The following LONP1 variants were observed in gnomAD, a reference collection of about 807,000 sequenced individuals.
LONP1 encodes the protein lon peptidase 1, mitochondrial.
In LONP1, 31 loss-of-function variants were observed where a neutral mutation model predicts 98.5. The ratio of observed to expected loss-of-function variants is 0.31; its 90% CI spans 0.24 to 0.42. The LOEUF (loss-of-function observed/expected upper bound fraction) is 0.42. LONP1 is among the 20% of genes least tolerant of loss of function. The probability of loss-of-function intolerance (pLI) is 1.00; values close to 1 mark genes in which losing one functional copy is unlikely to be tolerated. For missense variants in LONP1, 1,336 were observed against 1,350.6 expected (o/e 0.99, Z 0.17); for synonymous variants, 781 against 594.7 (o/e 1.31, Z -4.56).
upstream of LONP1, chr19:5,720,151 G>T: frequency 7.2e-7 from 1 of 1,394,374 alleles, no homozygotes; most frequent in Non-Finnish European, 9.2e-7. Context: ...CATACTGGCG[G>T]CTCACACAAC....
At chr19:5,704,661 G>A (rs997967091) in intron 8 of LONP1, among the ~76,000 whole-genome samples, 1 of 152,236 alleles carries the variant, frequency 6.6e-6, no homozygotes, top group Non-Finnish European at 1.5e-5. Context: ...CTGGACATGG[G>A]CATGGCTGAA....
chr19:5,708,736 G>A (rs542537522), intron 4 of LONP1: 7 of 239,440 alleles, frequency 2.9e-5, no homozygotes, highest in African/African-American at 1.3e-4. Context: ...AGTCTTGGCC[G>A]GGCGTGGTGG....
chr19:5,706,465 G>A (rs534192170), intron 7 of LONP1, among the ~76,000 whole-genome samples: 8 of 152,070 alleles, frequency 5.3e-5, no homozygotes, highest in South Asian at 2.1e-4. Context: ...AAAATTAGCC[G>A]GTGTGGTATT....
chr19:5,707,983 CAG>C, intron 5 of LONP1, 157 bp from the exon 6 acceptor site: 1 of 847,300 alleles, frequency 1.2e-6, no homozygotes, highest in South Asian at 1.8e-5. Context: ...GCTTGTTCTC[CAG>C]AGTTCAGGGC....
intron 1 of LONP1, among the ~76,000 whole-genome samples, chr19:5,718,580 G>A (rs1053587156): frequency 2.6e-5 from 4 of 151,900 alleles, no homozygotes; most frequent in African/African-American, 9.7e-5. Flanking sequence ...CTTCCCAACA[G>A]ATCCTTGAGA....
At chr19:5,701,397 T>G (rs1308439940) in intron 8 of LONP1, among the ~76,000 whole-genome samples, 2 of 152,308 alleles carry the variant, frequency 1.3e-5, no homozygotes, top group South Asian at 2.1e-4. Context: ...GGCTGGACTG[T>G]GTGCTGCCAT....
chr19:5,692,348 C>T (rs2054841620), intron 17 of LONP1, 140 bp from the exon 18 acceptor site: 4 of 734,564 alleles, frequency 5.4e-6, no homozygotes, highest in Non-Finnish European at 6.3e-6. Context: ...CCAAAACCCA[C>T]CAGGGTCCCC....
rs150366480 is a variant in LONP1, at chr19:5,694,899, G to A, written c.2016C>T (p.Arg672=). The part of the protein sequence containing the change: ...VAQEKLAIAE[R]YLVPQARALC... ...GGGCGCGAGCCTGGGGCACCAGGTA[G>A]CGCTGCAAGGGCAACCGTCAGGGTT... The change falls in exon 14 of 18, where the codon CGC becomes CGT. Residue 672 remains arginine (R), a splice_region_variant and synonymous_variant. Transcript: ENST00000360614. 14 of 1,593,562 alleles carry A rather than the reference G, an allele frequency of 8.8e-6. No homozygotes were observed. The African/African-American group carries it at 1.1e-4, about 12-fold the overall frequency.
In LONP1 at chr19:5,711,984, C is replaced by T. The variant is rs1199590549; in HGVS notation, c.657G>A (p.Gln219=). ...MGHRRVHISR[Q]LEVEPEEPEA... Reference sequence around the variant, plus strand: ...CCGGCTCCTCGGGCTCCACCTCCAGCTGTCTGCTGATATGGACTCTGACAC... The same window carrying T: ...CCGGCTCCTCGGGCTCCACCTCCAGTTGTCTGCTGATATGGACTCTGACAC... The change falls in exon 4 of 18, where the codon CAG becomes CAA. Residue 219 remains glutamine (Q), a synonymous_variant. Transcript: ENST00000360614. 3 of 1,612,950 alleles carry T rather than the reference C, an allele frequency of 1.9e-6. No individual in the cohort carries two copies. Among genetic ancestry groups the T allele is most frequent in the Non-Finnish European group, 2.5e-6 (3 of 1,179,884 alleles).
At chr19:5,692,472 G>A (rs1331173429) in intron 17 of LONP1, among the ~76,000 whole-genome samples, 1 of 152,154 alleles carries the variant, frequency 6.6e-6, no homozygotes, top group Admixed American at 6.5e-5. Context: ...GCCGTGCGGT[G>A]GGAGCAGTCT....
chr19:5,715,668 A>G (rs1599481562), intron 1 of LONP1, among the ~76,000 whole-genome samples: 1 of 134,606 alleles, frequency 7.4e-6, no homozygotes, highest in Non-Finnish European at 1.6e-5. Flanking sequence ...AAAAAAAAAA[A>G]AAAAAAAAAA....
chr19:5,714,328 A>T (rs1323851481), intron 1 of LONP1, 57 bp from the exon 2 acceptor site: 13 of 1,195,216 alleles, frequency 1.1e-5, no homozygotes, highest in Admixed American at 9.1e-5. Context: ...TTTGAGACAG[A>T]GTCTCATTCT....
At chr19:5,707,957 G>A in intron 5 of LONP1, 131 bp from the exon 6 acceptor site, 1 of 1,039,130 alleles carries the variant, frequency 9.6e-7, no homozygotes, top group Non-Finnish European at 1.4e-6. Flanking sequence ...GGTGCTCGCT[G>A]GGAGCCAGCT....
At chr19:5,702,525 T>TGAGGGGTGCCTCTGCCCGGCCAGCC (rs1599462066) in intron 8 of LONP1, among the ~76,000 whole-genome samples, 1 of 151,846 alleles carries the variant, frequency 6.6e-6, no homozygotes, top group Non-Finnish European at 1.5e-5. Context: ...ATCTGGGAGG[T>TGAGGGGTGCCTCTGCCCGGCCAGCC]GTACCCAACA....
At position 5,700,794 on chromosome 19, in the gene LONP1, T is replaced by C. The variant is rs375533857; in HGVS notation, c.1501A>G (p.Ile501Val). Reference protein sequence around the residue: ...HYGMEDVKKRILEFIAVSQLR... With the variant: ...HYGMEDVKKRVLEFIAVSQLR... Reference sequence around the variant, plus strand: ...AGGCCAGACACTGGGCTCACCAGGATGCGTTTCTTGACGTCCTCCATGCCG... The same window carrying C: ...AGGCCAGACACTGGGCTCACCAGGACGCGTTTCTTGACGTCCTCCATGCCG... The change falls in exon 9 of 18, where the codon ATC (isoleucine) becomes GTC (valine). Residue 501 changes from isoleucine (I) to valine (V), a missense_variant. Physicochemically the swap from Ile to Val is conservative, Grantham distance 29. Transcript: ENST00000360614. 8 of 1,614,008 alleles carry C rather than the reference T, an allele frequency of 5.0e-6. No individual in the cohort carries two copies. Among genetic ancestry groups the C allele is most frequent in the African/African-American group, 1.3e-5 (1 of 74,924 alleles).
rs34413649 is a variant in LONP1, at chr19:5,719,872, C to G, written c.261G>C (p.Glu87Asp). 6.3e-6 allele frequency: 10 copies of G among 1,588,404 alleles called. No individual in the cohort carries two copies. Among genetic ancestry groups the G allele is most frequent in the African/African-American group, 1.3e-5 (1 of 74,206 alleles). Residue 87 changes from glutamate to aspartate, a missense_variant, in exon 1 of 18, where the codon GAG becomes GAC. Physicochemically the swap from Glu to Asp is conservative, Grantham distance 45. Transcript: ENST00000360614. ...GAFSGGEDASEGGAEEGAGGA... is the reference protein window; with the variant it reads ...GAFSGGEDASDGGAEEGAGGA... ...CGCCGGCTCCTTCCTCCGCGCCGCCCTCGGAGGCGTCCTCGCCCCCCGAGA... is the reference window on the plus strand; with the variant it reads ...CGCCGGCTCCTTCCTCCGCGCCGCCGTCGGAGGCGTCCTCGCCCCCCGAGA...
intron 9 of LONP1, 85 bp from the exon 10 acceptor site, chr19:5,699,290 T>C (rs2054999029): frequency 8.7e-7 from 1 of 1,143,736 alleles, no homozygotes. Flanking sequence ...CACACTGCCT[T>C]TCAGACGTCT....
Position 5,696,520 on chromosome 19 carries a change from T to G in LONP1, c.1774-149A>C, listed in dbSNP as rs1048859861. On this transcript the variant is annotated intron_variant, in intron 11 of 17. Transcript: ENST00000360614. ...ACGGGCAGCCTGCTGGGCGTGGCTG[T>G]GGGTGGGAGGGACCCGTCCGTGCCA... 31 of 1,311,142 alleles carry G rather than the reference T, an allele frequency of 2.4e-5. No individual in the cohort carries two copies. In the Middle Eastern group the frequency reaches 7.0e-4, roughly 30 times the overall value. 81.2% of individuals were successfully genotyped at this position (1,311,142 alleles called of 1,614,324 possible). A position where few individuals can be genotyped will look rare whatever the true frequency, so the allele number is the denominator to read the frequency against.
chr19:5,697,178 A>C (rs2054947867), intron 10 of LONP1, among the ~76,000 whole-genome samples: 1 of 152,128 alleles, frequency 6.6e-6, no homozygotes, highest in African/African-American at 2.4e-5. Flanking sequence ...GCCCCAGCAC[A>C]GGGGCCCGGC....
Sources: gnomAD v4.1 joint callset for allele counts (sites outside exome capture counted in the v4.1 genomes callset) on GRCh38, gnomAD v4.1.1 for gene constraint, MANE v1.5 for transcripts, NCBI Gene and HGNC (gene_info 2026-07-23, HGNC 2026-07-21) for gene names.